The following WDR76 variants were observed in gnomAD, a reference collection of about 807,000 sequenced individuals.
The protein encoded by WDR76 is WD repeat domain 76, also known as WD repeat-containing protein 76.
A neutral mutation model predicts 70.2 loss-of-function variants in WDR76; 52 were observed. The ratio of observed to expected loss-of-function variants is 0.74; its 90% CI spans 0.59 to 0.93. The LOEUF is 0.93. Ranked by LOEUF, WDR76 falls within the 40% of genes least tolerant of loss-of-function variation. The probability of loss-of-function intolerance (pLI) is 0.00; values close to 1 mark genes in which losing one functional copy is unlikely to be tolerated. For missense variants in WDR76, 756 were observed against 760.2 expected (o/e 0.99, Z 0.07); for synonymous variants, 292 against 271.1 (o/e 1.08, Z -0.76).
rs755141129 is a variant in WDR76 at position 43,866,142 on chromosome 15, C to T, written c.1631C>T (p.Thr544Ile). The change falls in exon 13 of 13, where the codon ACT becomes ATT. Residue 544 changes from threonine (T) to isoleucine (I), a missense_variant. Thr to Ile is a moderately conservative substitution (Grantham distance 89). Coordinates refer to ENST00000263795, the MANE Select transcript of WDR76 (RefSeq NM_024908.4). ...LLTTIRHNTF[T>I]GRWLTRFQAM... ...TTCCTCACTAGGCACAACACTTTCA[C>T]TGGGCGATGGCTGACCAGGTTCCAA... 1.2e-6 allele frequency: 2 copies of T among 1,614,126 alleles called. No homozygotes were observed. Among genetic ancestry groups the T allele is most frequent in the Admixed American group, 1.7e-5 (1 of 60,018 alleles).
chr15:43,847,698 C>G (rs1208683332), intron 8 of WDR76, among the ~76,000 whole-genome samples: 4 of 152,068 alleles, frequency 2.6e-5, no homozygotes, highest in African/African-American at 9.6e-5. Flanking sequence ...TGGGTTTACA[C>G]GAATGAGTCA....
At chr15:43,856,754 T>C (rs1320710615) in intron 9 of WDR76, among the ~76,000 whole-genome samples, 192 bp from the exon 10 acceptor site, 2 of 151,986 alleles carry the variant, frequency 1.3e-5, no homozygotes, top group African/African-American at 4.8e-5. Context: ...AAATGATAAA[T>C]ATTGAAGGTA....
At chr15:43,861,618 G>A (rs2087998710) in intron 12 of WDR76, among the ~76,000 whole-genome samples, 1 of 152,148 alleles carries the variant, frequency 6.6e-6, no homozygotes, top group African/African-American at 2.4e-5. Flanking sequence ...CTGCAGGTGG[G>A]AGGTTATTTT....
At chr15:43,856,613 T>G (rs1046081961) in intron 9 of WDR76, among the ~76,000 whole-genome samples, 2 of 151,788 alleles carry the variant, frequency 1.3e-5, no homozygotes, top group Admixed American at 1.3e-4. Context: ...CTTTTTTTTT[T>G]TTTTAATTTT....
intron 8 of WDR76, among the ~76,000 whole-genome samples, chr15:43,850,767 C>G (rs2087848036): frequency 6.6e-6 from 1 of 152,086 alleles, no homozygotes; most frequent in Non-Finnish European, 1.5e-5. Flanking sequence ...AGCAATTATA[C>G]CATGTGTGAA....
intron 3 of WDR76, 126 bp from the exon 4 acceptor site, chr15:43,836,035 C>T (rs2087651790): frequency 4.0e-6 from 3 of 740,764 alleles, no homozygotes; most frequent in South Asian, 5.6e-5. Context: ...GACTCATGGC[C>T]TATCTTAAGG....
chr15:43,828,440 C>T lies in WDR76; in HGVS notation c.462+74C>T, dbSNP rs746376593. ...GAAGTTCTGATAAATCGAAGTTTTTCGAGGATCTCTCTGGTACAAACAAGT... is the reference window on the plus strand; with the variant it reads ...GAAGTTCTGATAAATCGAAGTTTTTTGAGGATCTCTCTGGTACAAACAAGT... On this transcript the variant is annotated intron_variant, in intron 2 of 12. Coordinates refer to ENST00000263795, the MANE Select transcript of WDR76 (RefSeq NM_024908.4). 4.7e-5 allele frequency: 65 copies of T among 1,396,824 alleles called. No homozygotes were observed. The South Asian group carries it at 5.3e-4, about 11-fold the overall frequency. 86.5% of individuals were successfully genotyped at this position (1,396,824 alleles called of 1,614,324 possible).
intron 2 of WDR76, among the ~76,000 whole-genome samples, chr15:43,832,753 T>TTTG: frequency 7.6e-6 from 1 of 132,036 alleles, no homozygotes; most frequent in South Asian, 2.7e-4. Context: ...GTTTTTTTTT[T>TTTG]TTTTTTTTTT....
At chr15:43,858,243 GTTTT>G (rs5812252) in intron 10 of WDR76, among the ~76,000 whole-genome samples, 1 of 143,366 alleles carries the variant, frequency 7.0e-6, no homozygotes, top group Non-Finnish European at 1.5e-5. Context: ...AGAGAGTTCT[GTTTT>G]TTTTTTTTGT....
chr15:43,857,832 A>G (rs2087947452), intron 10 of WDR76, among the ~76,000 whole-genome samples: 1 of 151,292 alleles, frequency 6.6e-6, no homozygotes, highest in South Asian at 2.1e-4. Flanking sequence ...AAAAAAAAAA[A>G]AAAAAAAAAA....
At chr15:43,847,232 C>G (rs1273588580) in intron 8 of WDR76, among the ~76,000 whole-genome samples, 2 of 151,870 alleles carry the variant, frequency 1.3e-5, no homozygotes, top group African/African-American at 4.8e-5. Flanking sequence ...ATCATAAAAT[C>G]CTATTTAAAA....
chr15:43,866,597 A>T lies in WDR76; in HGVS notation c.*205A>T. ...TTCTGCAGGACGGGGAGGGAATTTG[A>T]GGGGAGGCTGAGGTGCCGTCAGGAC... is the stretch of plus-strand genomic sequence containing the variant. On this transcript the variant is annotated 3_prime_UTR_variant, in exon 13 of 13. Transcript: ENST00000263795. 3.0e-5 allele frequency: 11 copies of T among 371,482 alleles called. No homozygotes were observed. The highest frequency in any genetic ancestry group is 4.2e-5 in the Non-Finnish European group (9 of 213,312). The allele number at this position is 371,482 out of a possible 1,614,324, so 23.0% of individuals were successfully genotyped here.
chr15:43,849,059 C>T (rs1687824832), intron 8 of WDR76, among the ~76,000 whole-genome samples: 1 of 150,854 alleles, frequency 6.6e-6, no homozygotes. Context: ...CCTGTAATCC[C>T]AGCGACTCAG....
At chr15:43,849,174 CAAAAA>C (rs1221622507) in intron 8 of WDR76, among the ~76,000 whole-genome samples, 2 of 60,970 alleles carry the variant, frequency 3.3e-5, no homozygotes, top group Non-Finnish European at 7.1e-5. Flanking sequence ...GACTTCATCT[CAAAAA>C]AAAAAAAAAA....
chr15:43,831,433 C>T (rs969380374), intron 2 of WDR76, among the ~76,000 whole-genome samples: 12 of 151,378 alleles, frequency 7.9e-5, no homozygotes, highest in Admixed American at 5.9e-4. Context: ...GCCACTGAGC[C>T]CAGCCAAGAT....
intron 1 of WDR76, 76 bp from the exon 2 acceptor site, chr15:43,827,889 T>C: frequency 7.2e-7 from 1 of 1,379,856 alleles, no homozygotes; most frequent in Non-Finnish European, 9.7e-7. Context: ...AATTATTAGA[T>C]CTGTTAGGGA....
At chr15:43,853,019 G>T (rs2087881888) in intron 9 of WDR76, among the ~76,000 whole-genome samples, 1 of 152,146 alleles carries the variant, frequency 6.6e-6, no homozygotes, top group African/African-American at 2.4e-5. Context: ...CTCCTGAGTA[G>T]CTGGGATTAC....
intron 8 of WDR76, among the ~76,000 whole-genome samples, chr15:43,846,035 A>G (rs1402177936): frequency 6.7e-6 from 1 of 150,074 alleles, no homozygotes; most frequent in Non-Finnish European, 1.5e-5. Context: ...GAAGCAAAAA[A>G]GTGGGAAGAA....
intron 10 of WDR76, among the ~76,000 whole-genome samples, chr15:43,858,169 G>C (rs1169118726): frequency 6.6e-6 from 1 of 151,750 alleles, no homozygotes; most frequent in Non-Finnish European, 1.5e-5. Context: ...CTGACCCTGT[G>C]ATCCACCCGC....
Sources: gnomAD v4.1 joint callset for allele counts (sites outside exome capture counted in the v4.1 genomes callset) on GRCh38, gnomAD v4.1.1 for gene constraint, MANE v1.5 for transcripts, NCBI Gene and HGNC (gene_info 2026-07-23, HGNC 2026-07-21) for gene names.